Variants in SOX5 observed in about 807,000 individuals in gnomAD.
The protein encoded by SOX5 is transcription factor SOX-5.
SOX5 carries 9 observed loss-of-function variants against 92.0 expected under a neutral mutation model. The ratio of observed to expected loss-of-function variants is 0.10; its 90% confidence interval spans 0.06 to 0.17. SOX5 has a LOEUF of 0.17. Ranked by LOEUF, SOX5 falls within the 10% of genes least tolerant of loss-of-function variation. SOX5 has a pLI of 1.00. For missense variants in SOX5, 642 were observed against 944.5 expected (o/e 0.68, Z 4.20); for synonymous variants, 344 against 336.3 (o/e 1.02, Z -0.25).
intron 3 of SOX5, among the ~76,000 whole-genome samples, chr12:23,826,027 C>CTT (rs78309862): frequency 1.3e-5 from 2 of 151,340 alleles, no homozygotes; most frequent in Non-Finnish European, 2.9e-5. Context: ...TTTCATTTCT[C>CTT]TTTTTTTTTA....
chr12:24,416,561 A>G (rs1035378925), intron 1 of SOX5, among the ~76,000 whole-genome samples: 2 of 152,216 alleles, frequency 1.3e-5, no homozygotes, highest in Non-Finnish European at 2.9e-5. Flanking sequence ...TCACTCAACT[A>G]ATGTAAAAAT....
chr12:24,538,963 C>G (rs910829866), intron 1 of SOX5, among the ~76,000 whole-genome samples: 6 of 152,188 alleles, frequency 3.9e-5, no homozygotes, highest in South Asian at 2.1e-4. Context: ...CACTGTTATA[C>G]TTTCTTTCAG....
chr12:23,637,148 C>T (rs534446380), intron 8 of SOX5, among the ~76,000 whole-genome samples: 1 of 152,280 alleles, frequency 6.6e-6, no homozygotes, highest in South Asian at 2.1e-4. Flanking sequence ...ATCCCCTCCA[C>T]ATTATTCTCA....
intron 4 of SOX5, among the ~76,000 whole-genome samples, chr12:24,071,319 C>T (rs1569533046): frequency 2.0e-5 from 3 of 152,162 alleles, no homozygotes; most frequent in Non-Finnish European, 4.4e-5. Flanking sequence ...AATTTAATTC[C>T]CACATGAACC....
chr12:23,572,385 A>C (rs964639993), intron 10 of SOX5, among the ~76,000 whole-genome samples: 1 of 152,166 alleles, frequency 6.6e-6, no homozygotes, highest in Non-Finnish European at 1.5e-5. Flanking sequence ...TTGAAAAGAG[A>C]AAAGTAAATT....
At chr12:23,633,311 C>T (rs560687592) in intron 8 of SOX5, among the ~76,000 whole-genome samples, 18 of 151,920 alleles carry the variant, frequency 1.2e-4, no homozygotes, top group South Asian at 4.2e-4. Flanking sequence ...CAAATTATAA[C>T]GAAAATGAAT....
At chr12:24,140,965 TAA>T (rs1950531623) in intron 4 of SOX5, among the ~76,000 whole-genome samples, 1 of 152,190 alleles carries the variant, frequency 6.6e-6, no homozygotes, top group Non-Finnish European at 1.5e-5. Context: ...ACACATATTT[TAA>T]AAGACAGTTT....
intron 4 of SOX5, among the ~76,000 whole-genome samples, chr12:24,023,577 A>G (rs1337736287): frequency 3.9e-5 from 6 of 152,100 alleles, no homozygotes; most frequent in African/African-American, 1.2e-4. Flanking sequence ...GACCAACTTA[A>G]TTGCTAAATT....
At chr12:23,727,369 G>A (rs1255050309) in intron 6 of SOX5, among the ~76,000 whole-genome samples, 3 of 152,080 alleles carry the variant, frequency 2.0e-5, no homozygotes, top group Admixed American at 1.3e-4. Context: ...AGGTCAGAGG[G>A]CTAGAAAGCA....
intron 4 of SOX5, among the ~76,000 whole-genome samples, chr12:23,974,300 G>C (rs867969813): frequency 6.6e-6 from 1 of 152,008 alleles, no homozygotes; most frequent in South Asian, 2.1e-4. Context: ...CCATCTCTTT[G>C]CTATTTTGAA....
intron 2 of SOX5, among the ~76,000 whole-genome samples, chr12:24,281,698 T>C (rs1302104833): frequency 2.0e-5 from 3 of 152,136 alleles, no homozygotes; most frequent in Non-Finnish European, 4.4e-5. Flanking sequence ...GCAATGCAAA[T>C]GCAAAGGTAA....
chr12:23,536,869 A>AT (rs797007055), intron 13 of SOX5, among the ~76,000 whole-genome samples, 200 bp from the exon 14 acceptor site: 115 of 146,976 alleles, frequency 7.8e-4, no homozygotes, highest in African/African-American at 1.8e-3. Context: ...ACTGGGCAGT[A>AT]TTTTTTTTTT....
intron 4 of SOX5, among the ~76,000 whole-genome samples, chr12:24,020,490 T>C (rs1954156193): frequency 6.6e-6 from 1 of 152,138 alleles, no homozygotes; most frequent in African/African-American, 2.4e-5. Flanking sequence ...TTTAGCCTCT[T>C]CATCCCTCAA....
At chr12:23,915,303 G>A (rs2097401219) in intron 1 of SOX5, among the ~76,000 whole-genome samples, 1 of 152,078 alleles carries the variant, frequency 6.6e-6, no homozygotes, top group African/African-American at 2.4e-5. Flanking sequence ...CTAAACCATA[G>A]TTAAGGTTAG....
intron 4 of SOX5, among the ~76,000 whole-genome samples, chr12:24,060,265 A>G (rs577526129): frequency 1.6e-4 from 25 of 152,306 alleles, no homozygotes; most frequent in African/African-American, 6.0e-4. Context: ...CATTTTATGG[A>G]TAACAAAACT....
At chr12:24,526,522 T>C (rs182951459) in intron 1 of SOX5, among the ~76,000 whole-genome samples, 1 of 152,212 alleles carries the variant, frequency 6.6e-6, no homozygotes, top group Non-Finnish European at 1.5e-5. Context: ...AGAAGTTCTC[T>C]TTCTTGTTCC....
chr12:23,732,940 C>G (rs1402482929), intron 6 of SOX5, among the ~76,000 whole-genome samples: 2 of 152,132 alleles, frequency 1.3e-5, no homozygotes, highest in African/African-American at 4.8e-5. Context: ...TTATAAATTA[C>G]AGTGCTTCAT....
intron 8 of SOX5, among the ~76,000 whole-genome samples, chr12:23,611,387 T>C (rs1276680807): frequency 6.9e-6 from 1 of 144,412 alleles, no homozygotes. Flanking sequence ...TGTGTGTGTG[T>C]GTGTGTGTAT....
chr12:24,209,480 T>A (rs1192032903), intron 4 of SOX5, among the ~76,000 whole-genome samples: 1 of 152,236 alleles, frequency 6.6e-6, no homozygotes, highest in African/African-American at 2.4e-5. Flanking sequence ...TATGTATGTA[T>A]GTATTTTTGT....
Sources: allele counts gnomAD v4.1 joint callset (sites outside exome capture counted in the v4.1 genomes callset), GRCh38; gene constraint gnomAD v4.1.1; transcripts MANE v1.5; gene names NCBI Gene and HGNC (gene_info 2026-07-23, HGNC 2026-07-21).